Variants in NPIPB2 observed in about 807,000 individuals in gnomAD.
NPIPB2 encodes the protein nuclear pore complex-interacting protein family member B2.
In NPIPB2, 27 loss-of-function variants were observed where a neutral mutation model predicts 30.8. The observed-to-expected ratio is 0.88, with a 90% CI of 0.65 to 1.21. The LOEUF is 1.21. Among genes scored for constraint, NPIPB2 ranks in the 50% most tolerant of loss-of-function variants. The pLI, the probability that NPIPB2 is intolerant of heterozygous loss-of-function variation, is 0.00. For missense variants in NPIPB2, 440 were observed against 446.2 expected, an observed-to-expected ratio of 0.99 and a Z score of 0.13; for synonymous variants, 147 against 162.0, an observed-to-expected ratio of 0.91 and a Z score of 0.70.
Position 11,933,171 on chromosome 16 carries a change from G to T in NPIPB2, c.488+346C>A, listed in dbSNP as rs546004330. Among the ~76,000 whole-genome samples the T allele has an allele frequency of 7.9e-5, 12 of 151,330 alleles. No individual in the cohort carries two copies. The South Asian group carries it at 2.5e-3, about 32-fold the overall frequency. On this transcript the variant is annotated intron_variant, in intron 4 of 7. Coordinates refer to ENST00000399147, the Ensembl canonical transcript of NPIPB2. ...AGCTACGTGGGAGGCTGAGGCAGGA[G>T]AATTGCTTGAACCCAAAAGGCAGTG...
chr16:11,960,399 C>T (rs1406553652), intron 1 of NPIPB2, among the ~76,000 whole-genome samples: 7 of 148,358 alleles, frequency 4.7e-5, no homozygotes, highest in East Asian at 2.0e-4. Flanking sequence ...CTGTCGCCCA[C>T]GCTGGAGTGT....
chr16:11,972,271 T>G (rs986426303), intron 1 of NPIPB2, among the ~76,000 whole-genome samples: 3 of 152,182 alleles, frequency 2.0e-5, no homozygotes, highest in African/African-American at 7.2e-5. Flanking sequence ...TTGTAAATGT[T>G]TCCTACTAAG....
chr16:11,959,690 G>A (rs2055140206), intron 1 of NPIPB2, among the ~76,000 whole-genome samples: 1 of 152,170 alleles, frequency 6.6e-6, no homozygotes, highest in Non-Finnish European at 1.5e-5. Flanking sequence ...TCTATTGCCA[G>A]AGACAGTCCA....
At chr16:11,956,210 C>G (rs746066313) in intron 1 of NPIPB2, 1 of 152,250 alleles carries the variant, frequency 6.6e-6, no homozygotes, top group Non-Finnish European at 1.5e-5. Context: ...CACCAACACT[C>G]AGGCAGGGAA....
At chr16:11,943,238 G>C (rs903943993), upstream of NPIPB2, among the ~76,000 whole-genome samples, 6 of 152,200 alleles carry the variant, frequency 3.9e-5, no homozygotes, top group East Asian at 1.9e-4. Context: ...AGAATAGTTT[G>C]AACCCGGGAG....
chr16:11,966,415 T>C, intron 1 of NPIPB2: 2 of 1,473,182 alleles, frequency 1.4e-6, no homozygotes, highest in South Asian at 1.3e-5. Flanking sequence ...CTTTTCTTTT[T>C]TTAGCGTTGA....
intron 1 of NPIPB2, chr16:11,966,084 C>G (rs536562682): frequency 8.5e-7 from 1 of 1,178,932 alleles, no homozygotes; most frequent in East Asian, 2.8e-5. Context: ...GCACTCTAGC[C>G]TGGGCAACAG....
intron 1 of NPIPB2, among the ~76,000 whole-genome samples, chr16:11,940,758 TAAA>T (rs1205186064): frequency 0.014 from 644 of 47,058 alleles, 4 homozygotes; most frequent in African/African-American, 0.038. Flanking sequence ...AGACTCTGTC[TAAA>T]AAAAAAAAAA....
upstream of NPIPB2, among the ~76,000 whole-genome samples, chr16:11,944,037 T>C (rs1416818345): frequency 7.0e-6 from 1 of 142,918 alleles, no homozygotes; most frequent in Admixed American, 7.1e-5. Context: ...AATAGTATAA[T>C]TTATAAGAGA....
rs150724839 is a variant in NPIPB2 at position 11,963,708 on chromosome 16, C to T, written c.-584+12860G>A. Among the ~76,000 whole-genome samples, 10 of 152,158 alleles carry T rather than the reference C, an allele frequency of 6.6e-5. No individual in the cohort carries two copies. The South Asian group carries it at 1.5e-3, about 22-fold the overall frequency. On this transcript the variant is annotated intron_variant, in intron 1 of 5. Coordinates refer to the NPIPB2 transcript ENST00000538896. ...CCTGCATTTTTGACAAACATCTGGA[C>T]GTCTCTATATGGGTATTTCACTCAG...
intron 1 of NPIPB2, among the ~76,000 whole-genome samples, chr16:11,951,941 C>G (rs915059722): frequency 3.9e-5 from 6 of 151,904 alleles, no homozygotes; most frequent in African/African-American, 1.5e-4. Flanking sequence ...GGGCGGACCA[C>G]AAGGTCAGGA....
At chr16:11,948,997 G>C (rs944013511) in intron 1 of NPIPB2, among the ~76,000 whole-genome samples, 37 of 151,668 alleles carry the variant, frequency 2.4e-4, no homozygotes, top group African/African-American at 8.7e-4. Context: ...AATTAGCTGG[G>C]TGTGGTGCCT....
At chr16:11,959,507 T>G (rs927646290) in intron 1 of NPIPB2, among the ~76,000 whole-genome samples, 2 of 152,054 alleles carry the variant, frequency 1.3e-5, no homozygotes, top group Non-Finnish European at 2.9e-5. Flanking sequence ...GGAGGATTGT[T>G]TGAGCCTAGG....
At chr16:11,938,127 T>G (rs1397446117) in intron 1 of NPIPB2, among the ~76,000 whole-genome samples, 2 of 151,888 alleles carry the variant, frequency 1.3e-5, no homozygotes, top group Middle Eastern at 3.2e-3. Context: ...CAAGCCATTC[T>G]CCTCCCTCAG....
chr16:11,939,093 G>A (rs1457992354), intron 1 of NPIPB2, among the ~76,000 whole-genome samples: 6 of 151,842 alleles, frequency 4.0e-5, no homozygotes, highest in Admixed American at 3.9e-4. Context: ...TTAAATTGAT[G>A]TATAACATTG....
At chr16:11,932,379 C>T (rs1369807828) in intron 4 of NPIPB2, among the ~76,000 whole-genome samples, 5 of 149,524 alleles carry the variant, frequency 3.3e-5, no homozygotes, top group Non-Finnish European at 7.5e-5. Flanking sequence ...ACAATCCAGG[C>T]TGGGTGCGGT....
chr16:11,966,395 G>C, intron 1 of NPIPB2: 3 of 1,550,146 alleles, frequency 1.9e-6, no homozygotes, highest in Non-Finnish European at 2.6e-6. Context: ...GCTATTGTGA[G>C]TTTCAGTTCC....
chr16:11,934,943 A>G (rs1196890435), intron 2 of NPIPB2, among the ~76,000 whole-genome samples: 190 of 146,292 alleles, frequency 1.3e-3, no homozygotes, highest in Non-Finnish European at 1.9e-3. Flanking sequence ...TTATCATCTT[A>G]TAAGTATTTT....
rs182684225 is a variant in NPIPB2 at position 11,960,730 on chromosome 16, G to C, written c.-584+15838C>G. 2.6e-4 allele frequency among the ~76,000 whole-genome samples: 39 copies of C among 152,032 alleles called. No homozygotes were observed. The East Asian group carries it at 4.1e-3, about 16-fold the overall frequency. The stretch of plus-strand genomic sequence containing the variant: ...AATATCTACCATCTGGCTTGCATCA[G>C]GGACACACTCAAAGGCCATCAATGA... On this transcript the variant is annotated intron_variant, in intron 1 of 5. Coordinates refer to the NPIPB2 transcript ENST00000538896.
Sources: allele counts gnomAD v4.1 joint callset (sites outside exome capture counted in the v4.1 genomes callset), GRCh38; gene constraint gnomAD v4.1.1; transcripts MANE v1.5; gene names NCBI Gene and HGNC (gene_info 2026-07-23, HGNC 2026-07-21).